CALB2: variants seen among roughly 807,000 people sequenced by gnomAD.
The protein encoded by CALB2 is calretinin.
CALB2 carries 34 observed loss-of-function variants against 45.9 expected under a neutral mutation model. That is an observed-to-expected ratio of 0.74 (90% CI 0.56 to 0.99). CALB2 has a LOEUF of 0.99. Ranked by LOEUF, CALB2 falls within the 50% of genes least tolerant of loss-of-function variation. The pLI, the probability that CALB2 is intolerant of heterozygous loss-of-function variation, is 0.00. For synonymous variants in CALB2, 142 were observed against 129.6 expected (o/e 1.10, Z -0.65); for missense variants, 344 against 339.3 (o/e 1.01, Z -0.11).
At position 71,389,946 on chromosome 16, in the gene CALB2, G is replaced by A. The variant is rs1183577452; in HGVS notation, c.*81G>A. The A allele has an allele frequency of 1.1e-5, 10 of 916,660 alleles. No individual in the cohort carries two copies. Among genetic ancestry groups the A allele is most frequent in the African/African-American group, 3.3e-5 (2 of 61,528 alleles). The allele number at this position is 916,660 out of a possible 1,614,324, so 56.8% of individuals were successfully genotyped here. On this transcript the variant is annotated 3_prime_UTR_variant, in exon 11 of 11. Coordinates refer to ENST00000302628, the MANE Select transcript of CALB2 (RefSeq NM_001740.5). ...ATGCGTCTACCCAGACTCAGAGACCGTGAGCGCCCCGCCCCCACCCCTACA... is the reference window on the plus strand; with the variant it reads ...ATGCGTCTACCCAGACTCAGAGACCATGAGCGCCCCGCCCCCACCCCTACA...
intron 1 of CALB2, among the ~76,000 whole-genome samples, chr16:71,361,975 G>A (rs1036534349): frequency 2.6e-5 from 4 of 152,144 alleles, no homozygotes; most frequent in Non-Finnish European, 4.4e-5. Context: ...AAGAGCATGC[G>A]TTTGGGAGGG....
At chr16:71,388,037 C>T (rs369273485) in intron 10 of CALB2, among the ~76,000 whole-genome samples, 8 of 152,186 alleles carry the variant, frequency 5.3e-5, no homozygotes, top group Admixed American at 6.5e-5. Flanking sequence ...GCTTGGATTA[C>T]AGATATTCAT....
chr16:71,371,675 C>A (rs1056353251), intron 1 of CALB2, among the ~76,000 whole-genome samples: 3 of 152,286 alleles, frequency 2.0e-5, no homozygotes, highest in African/African-American at 7.2e-5. Context: ...TTAGGGCCCA[C>A]CCCAATCCAG....
At chr16:71,386,646 G>A (rs1352065373) in intron 10 of CALB2, among the ~76,000 whole-genome samples, 1 of 152,172 alleles carries the variant, frequency 6.6e-6, no homozygotes, top group Non-Finnish European at 1.5e-5. Context: ...TTCGTTCACC[G>A]CCTGGAAAAT....
chr16:71,368,760 A>G (rs945693889), intron 1 of CALB2, among the ~76,000 whole-genome samples: 4 of 152,114 alleles, frequency 2.6e-5, no homozygotes, highest in Non-Finnish European at 5.9e-5. Context: ...GGTCTTACCC[A>G]TAGTGAGGGC....
intron 1 of CALB2, among the ~76,000 whole-genome samples, chr16:71,371,423 G>T (rs1253208696): frequency 1.3e-5 from 2 of 152,188 alleles, no homozygotes; most frequent in African/African-American, 4.8e-5. Flanking sequence ...CAACAGAAAT[G>T]TATTCTCTCA....
Position 71,382,719 on chromosome 16 carries a change from G to A in CALB2, c.343G>A (p.Ala115Thr). ...GAGGTTGACATTCCTGTTGTTGCAG[G>A]CTTGGCGGAAGTACGACACAGACAG... is the stretch of plus-strand genomic sequence containing the variant. ...HVGSSAEFME[A>T]WRKYDTDRSG... The change falls in exon 5 of 11, where the codon GCT becomes ACT. Residue 115 changes from alanine (A) to threonine (T), a missense_variant and splice_region_variant. Physicochemically the swap from Ala to Thr is moderately conservative, Grantham distance 58. Transcript: ENST00000302628. 1 of 1,611,726 alleles carries A rather than the reference G, an allele frequency of 6.2e-7. No individual in the cohort carries two copies. The highest frequency in any genetic ancestry group is 8.5e-7 in the Non-Finnish European group (1 of 1,179,054).
intron 1 of CALB2, among the ~76,000 whole-genome samples, chr16:71,367,052 T>C (rs1175520487): frequency 6.6e-6 from 1 of 152,098 alleles, no homozygotes; most frequent in Non-Finnish European, 1.5e-5. Flanking sequence ...CTCTTTTCAC[T>C]GAGGGGTGAA....
chr16:71,384,158 T>C (rs2042536061), intron 7 of CALB2, 133 bp downstream of exon 7: 2 of 1,104,978 alleles, frequency 1.8e-6, no homozygotes. Context: ...CAAGATAGAA[T>C]TGTGACCGTC....
intron 1 of CALB2, among the ~76,000 whole-genome samples, chr16:71,369,508 C>T (rs950553185): frequency 9.2e-5 from 14 of 152,124 alleles, no homozygotes; most frequent in African/African-American, 2.7e-4. Flanking sequence ...TAAGTGGAGG[C>T]GGCTCTTGGA....
intron 1 of CALB2, among the ~76,000 whole-genome samples, chr16:71,366,283 C>T (rs1250202602): frequency 6.7e-6 from 1 of 149,926 alleles, no homozygotes; most frequent in East Asian, 2.0e-4. Flanking sequence ...CCTCAGCCTC[C>T]CAAAGTGCTG....
chr16:71,388,034 T>C (rs563440221), intron 10 of CALB2, among the ~76,000 whole-genome samples: 7 of 152,218 alleles, frequency 4.6e-5, no homozygotes, highest in African/African-American at 1.7e-4. Context: ...CATGCTTGGA[T>C]TACAGATATT....
At chr16:71,382,084 A>C (rs1204859359) in intron 4 of CALB2, among the ~76,000 whole-genome samples, 1 of 143,582 alleles carries the variant, frequency 7.0e-6, no homozygotes, top group African/African-American at 2.6e-5. Context: ...GGGAGGAAGA[A>C]AGAAAGAGAA....
intron 2 of CALB2, 30 bp from the exon 3 acceptor site, chr16:71,374,715 C>T: frequency 5.4e-6 from 8 of 1,494,154 alleles, no homozygotes; most frequent in Non-Finnish European, 7.5e-6. Flanking sequence ...GATACAGCAG[C>T]AAAAATCAGC....
chr16:71,375,066 C>A lies in CALB2; in HGVS notation c.261+232C>A, dbSNP rs531397906. 6.4e-4 allele frequency among the ~76,000 whole-genome samples: 98 copies of A among 152,332 alleles called. 3 individuals are homozygous for A. The South Asian group carries it at 0.02, about 31-fold the overall frequency. On this transcript the variant is annotated intron_variant, in intron 3 of 10. Transcript: ENST00000302628. ...AAGATAGGGGTGGAGACCTTAAATGCCCACAGGGGCCAACAGGTATTGTAA... is the reference window on the plus strand; with the variant it reads ...AAGATAGGGGTGGAGACCTTAAATGACCACAGGGGCCAACAGGTATTGTAA...
chr16:71,374,702 T>G, intron 2 of CALB2, 43 bp from the exon 3 acceptor site: 213 of 1,328,270 alleles, frequency 1.6e-4, no homozygotes, highest in Non-Finnish European at 2.1e-4. Flanking sequence ...ATGGTTCACA[T>G]GAGATACAGC....
chr16:71,373,638 T>C (rs1159691618), intron 2 of CALB2, among the ~76,000 whole-genome samples: 1 of 152,124 alleles, frequency 6.6e-6, no homozygotes, highest in Admixed American at 6.5e-5. Flanking sequence ...GTAGAAAGAA[T>C]ATTGGCCTTG....
At chr16:71,384,491 ACACACACACAAAACACAC>A (rs1414954038) in intron 8 of CALB2, 113 bp downstream of exon 8, 11 of 837,448 alleles carry the variant, frequency 1.3e-5, no homozygotes, top group South Asian at 5.5e-5. Context: ...CACACACACC[ACACACACACAAAACACAC>A]CACACACACA....
intron 1 of CALB2, among the ~76,000 whole-genome samples, chr16:71,366,170 G>A (rs1413637100): frequency 1.3e-5 from 2 of 149,972 alleles, no homozygotes; most frequent in African/African-American, 4.9e-5. Flanking sequence ...GGGACTACGT[G>A]TGCCCGCTAC....
Sources: gnomAD v4.1 joint callset for allele counts (sites outside exome capture counted in the v4.1 genomes callset) on GRCh38, gnomAD v4.1.1 for gene constraint, MANE v1.5 for transcripts, NCBI Gene and HGNC (gene_info 2026-07-23, HGNC 2026-07-21) for gene names.